C1orf21: variants seen among roughly 807,000 people sequenced by gnomAD.
C1orf21 encodes the protein uncharacterized protein C1orf21.
In C1orf21, 3 loss-of-function variants were observed where a neutral mutation model predicts 18.7. The observed-to-expected ratio is 0.16, with a 90% confidence interval of 0.07 to 0.42. C1orf21 has a LOEUF of 0.42. Ranked by LOEUF, C1orf21 falls within the 10% of genes least tolerant of loss-of-function variation. The pLI, the probability that C1orf21 is intolerant of heterozygous loss-of-function variation, is 0.99. For missense variants in C1orf21, 104 were observed against 143.6 expected (o/e 0.72, Z 1.41); for synonymous variants, 41 against 46.4 (o/e 0.88, Z 0.47).
At chr1:184,401,333 G>A (rs2101957155) in intron 1 of C1orf21, among the ~76,000 whole-genome samples, 1 of 152,164 alleles carries the variant, frequency 6.6e-6, no homozygotes, top group South Asian at 2.1e-4. Context: ...TGATTTTCCT[G>A]TCTCAGCCTC....
In C1orf21 at chr1:184,623,937, G is replaced by A. The variant is rs1659964829; in HGVS notation, c.*4381G>A. 1 of 152,556 alleles carries A rather than the reference G, an allele frequency of 6.6e-6. No individual in the cohort carries two copies. Among genetic ancestry groups the A allele is most frequent in the South Asian group, 2.1e-4 (1 of 4,824 alleles). The allele number at this position is 152,556 out of a possible 1,614,324, so 9.5% of individuals were successfully genotyped here. A position where few individuals can be genotyped will look rare whatever the true frequency, so the allele number is the denominator to read the frequency against. ...TCTAATCTTGGGAGAAGAGGAAAAA[G>A]GAGCTAATATTTGTCATTTATACTC... On this transcript the variant is annotated 3_prime_UTR_variant, in exon 6 of 6. Transcript: ENST00000235307.
rs1660015419 is a variant in C1orf21, at chr1:184,626,611, C to A, written c.*7055C>A. The A allele has an allele frequency of 6.6e-6, 1 of 152,422 alleles. No homozygotes were observed. The highest frequency in any genetic ancestry group is 6.5e-5 in the Admixed American group (1 of 15,290). 9.4% of individuals were successfully genotyped at this position (152,422 alleles called of 1,614,324 possible). On this transcript the variant is annotated 3_prime_UTR_variant, in exon 6 of 6. Transcript: ENST00000235307. The stretch of plus-strand genomic sequence containing the variant: ...TCCTCTGCAGCCCACTGCTGAGGTC[C>A]TCCAGACAGGTAAGGTGTGGTCACA...
intron 1 of C1orf21, among the ~76,000 whole-genome samples, chr1:184,424,322 C>T (rs1386463111): frequency 6.6e-6 from 1 of 152,108 alleles, no homozygotes; most frequent in Non-Finnish European, 1.5e-5. Flanking sequence ...TATCTCAGCC[C>T]TCATCACTTT....
chr1:184,527,559 T>C (rs1658395746), intron 3 of C1orf21, among the ~76,000 whole-genome samples: 1 of 152,008 alleles, frequency 6.6e-6, no homozygotes, highest in Non-Finnish European at 1.5e-5. Context: ...AAGATGAGGG[T>C]GTCCACCCAG....
At chr1:184,419,707 C>G (rs749650240) in intron 1 of C1orf21, among the ~76,000 whole-genome samples, 1 of 151,918 alleles carries the variant, frequency 6.6e-6, no homozygotes, top group African/African-American at 2.4e-5. Flanking sequence ...GGGAGGGTAA[C>G]ATTTATTCAA....
chr1:184,391,474 T>C (rs1235354272), intron 1 of C1orf21, among the ~76,000 whole-genome samples: 1 of 152,170 alleles, frequency 6.6e-6, no homozygotes, highest in African/African-American at 2.4e-5. Flanking sequence ...TACTTTGCAC[T>C]TGGAAGTCAC....
intron 2 of C1orf21, among the ~76,000 whole-genome samples, chr1:184,505,306 AATATATATATATAT>A (rs59445875): frequency 1.2e-4 from 8 of 66,776 alleles, no homozygotes; most frequent in Admixed American, 7.9e-4. Context: ...TACATAAAGA[AATATATATATATAT>A]ATATATATAT....
chr1:184,564,912 T>C (rs941828765), intron 3 of C1orf21, among the ~76,000 whole-genome samples: 3 of 152,196 alleles, frequency 2.0e-5, no homozygotes, highest in Non-Finnish European at 4.4e-5. Context: ...CTGTTTTCGT[T>C]CTGCTACCTA....
chr1:184,418,918 A>G (rs1453003782), intron 1 of C1orf21, among the ~76,000 whole-genome samples: 1 of 152,186 alleles, frequency 6.6e-6, no homozygotes, highest in Non-Finnish European at 1.5e-5. Flanking sequence ...AAGAATGACC[A>G]TATGTTTTGT....
intron 1 of C1orf21, among the ~76,000 whole-genome samples, chr1:184,430,894 G>A (rs1656750553): frequency 6.6e-6 from 1 of 152,246 alleles, no homozygotes; most frequent in South Asian, 2.1e-4. Context: ...CCATTTTCAC[G>A]ATATTGATTC....
intron 3 of C1orf21, among the ~76,000 whole-genome samples, chr1:184,539,237 C>T (rs1658607426): frequency 6.6e-6 from 1 of 152,082 alleles, no homozygotes; most frequent in South Asian, 2.1e-4. Context: ...GCTCTTTCAC[C>T]ATCAATTAAG....
At position 184,487,934 on chromosome 1, in the gene C1orf21, T is replaced by C. The variant is rs1657756448; in HGVS notation, c.94+10331T>C. On this transcript the variant is annotated intron_variant, in intron 2 of 5. Coordinates refer to ENST00000235307, the MANE Select transcript of C1orf21 (RefSeq NM_030806.4). ...ACTTGGCACATGATAAGCACTGAGTTAGTATGCTCATCATCATATTAGCAG... is the reference window on the plus strand; with the variant it reads ...ACTTGGCACATGATAAGCACTGAGTCAGTATGCTCATCATCATATTAGCAG... Among the ~76,000 whole-genome samples the C allele has an allele frequency of 4.6e-5, 7 of 152,334 alleles. No homozygotes were observed. The South Asian group carries it at 1.5e-3, about 32-fold the overall frequency.
chr1:184,412,550 G>T (rs1656372102), intron 1 of C1orf21, among the ~76,000 whole-genome samples: 1 of 152,122 alleles, frequency 6.6e-6, no homozygotes, highest in Admixed American at 6.5e-5. Flanking sequence ...TGCAAATCTG[G>T]CCCTGAGTTT....
intron 1 of C1orf21, among the ~76,000 whole-genome samples, chr1:184,400,902 G>A (rs1446107218): frequency 2.0e-5 from 3 of 152,092 alleles, no homozygotes; most frequent in Non-Finnish European, 4.4e-5. Context: ...TTGCAGTTTT[G>A]CTAGACATTA....
At chr1:184,477,908 T>A (rs757518817) in intron 2 of C1orf21, among the ~76,000 whole-genome samples, 163 of 152,316 alleles carry the variant, frequency 1.1e-3, no homozygotes, top group Middle Eastern at 6.8e-3. Context: ...GCCTTTCATT[T>A]TTGTGACAGT....
At chr1:184,586,316 G>GCT (rs1456534886) in intron 3 of C1orf21, among the ~76,000 whole-genome samples, 2 of 131,794 alleles carry the variant, frequency 1.5e-5, no homozygotes, top group South Asian at 2.3e-4. Flanking sequence ...ACGGAGTCTC[G>GCT]CTGTCGCCCA....
At chr1:184,450,256 A>T (rs556751414) in intron 1 of C1orf21, among the ~76,000 whole-genome samples, 2 of 152,026 alleles carry the variant, frequency 1.3e-5, no homozygotes, top group Non-Finnish European at 2.9e-5. Context: ...ACGCCACCAC[A>T]CTGAATGCAG....
chr1:184,612,910 G>T (rs1659760212), intron 5 of C1orf21, among the ~76,000 whole-genome samples: 1 of 152,086 alleles, frequency 6.6e-6, no homozygotes, highest in African/African-American at 2.4e-5. Context: ...AGTTGTTACT[G>T]TTGTTACTCT....
At chr1:184,410,649 ATATATATATATATATTT>A (rs1656329938) in intron 1 of C1orf21, among the ~76,000 whole-genome samples, 4 of 5,598 alleles carry the variant, frequency 7.1e-4, no homozygotes, top group Admixed American at 2.8e-3. Context: ...ATATATATAT[ATATATATATATATATTT>A]TTTTTTTTTT....
Sources: allele counts gnomAD v4.1 joint callset (sites outside exome capture counted in the v4.1 genomes callset), GRCh38; gene constraint gnomAD v4.1.1; transcripts MANE v1.5; gene names NCBI Gene and HGNC (gene_info 2026-07-23, HGNC 2026-07-21).